Variants in NCAM2 observed in about 807,000 individuals in gnomAD.
NCAM2 encodes the protein neural cell adhesion molecule 2.
In NCAM2, 30 loss-of-function variants were observed where a neutral mutation model predicts 98.1. The ratio of observed to expected loss-of-function variants is 0.31; its 90% CI spans 0.23 to 0.41. NCAM2 has a LOEUF of 0.41. Among genes scored for constraint, NCAM2 ranks in the 10% least tolerant of loss-of-function variants. The pLI is 1.00. For missense variants in NCAM2, 867 were observed against 1,005.8 expected (o/e 0.86, Z 1.87); for synonymous variants, 368 against 342.4 (o/e 1.07, Z -0.83).
chr21:21,447,007 C>T (rs1394399123), intron 12 of NCAM2, among the ~76,000 whole-genome samples: 1 of 152,062 alleles, frequency 6.6e-6, no homozygotes, highest in Non-Finnish European at 1.5e-5. Flanking sequence ...ATGCTATTCC[C>T]ATCAAACTAC....
intron 5 of NCAM2, among the ~76,000 whole-genome samples, chr21:21,303,836 A>T (rs1311103866): frequency 6.6e-6 from 1 of 152,106 alleles, no homozygotes; most frequent in African/African-American, 2.4e-5. Flanking sequence ...TAGTGGTTTC[A>T]TGTTGTGGAT....
At chr21:21,096,550 C>T (rs1199413943) in intron 1 of NCAM2, among the ~76,000 whole-genome samples, 2 of 151,674 alleles carry the variant, frequency 1.3e-5, no homozygotes, top group Non-Finnish European at 3.0e-5. Flanking sequence ...GTTTTTTTCT[C>T]TGTAAAATTC....
intron 9 of NCAM2, among the ~76,000 whole-genome samples, chr21:21,387,191 C>G (rs1051314351): frequency 6.9e-4 from 41 of 59,170 alleles, no homozygotes; most frequent in African/African-American, 3.0e-3. Flanking sequence ...CACACATACA[C>G]ACACACACAC....
chr21:21,081,910 C>T (rs550595145), intron 1 of NCAM2, among the ~76,000 whole-genome samples: 28 of 152,038 alleles, frequency 1.8e-4, no homozygotes, highest in African/African-American at 6.5e-4. Context: ...AAGTGCTCTA[C>T]GCATTCAATA....
chr21:21,307,312 A>G (rs781284207), intron 5 of NCAM2, among the ~76,000 whole-genome samples: 1 of 152,080 alleles, frequency 6.6e-6, no homozygotes, highest in Non-Finnish European at 1.5e-5. Context: ...TCTTTTTTCA[A>G]ATGCTGTTGC....
At chr21:21,149,712 G>A (rs1444591317) in intron 1 of NCAM2, among the ~76,000 whole-genome samples, 1 of 152,048 alleles carries the variant, frequency 6.6e-6, no homozygotes, top group African/African-American at 2.4e-5. Context: ...ATGGCTTCCA[G>A]CTTCATCCAT....
intron 15 of NCAM2, 118 bp from the exon 16 acceptor site, chr21:21,508,733 T>C: frequency 1.2e-6 from 1 of 802,824 alleles, no homozygotes; most frequent in Non-Finnish European, 1.8e-6. Context: ...TCTCTTAAAT[T>C]GAATTATTGG....
At chr21:21,156,409 C>A (rs948313964) in intron 1 of NCAM2, among the ~76,000 whole-genome samples, 1 of 151,870 alleles carries the variant, frequency 6.6e-6, no homozygotes, top group Non-Finnish European at 1.5e-5. Flanking sequence ...TTTGCCCTAC[C>A]TATTTAGTCT....
chr21:21,265,294 T>C, intron 1 of NCAM2, among the ~76,000 whole-genome samples: 1 of 131,674 alleles, frequency 7.6e-6, no homozygotes, highest in East Asian at 2.3e-4. Flanking sequence ...TGTGTGTATA[T>C]ATACGTGTAT....
chr21:21,240,438 C>A (rs1397039680), intron 1 of NCAM2, among the ~76,000 whole-genome samples: 1 of 150,828 alleles, frequency 6.6e-6, no homozygotes, highest in Non-Finnish European at 1.5e-5. Flanking sequence ...AAGATGGATT[C>A]TTACATAAGA....
chr21:21,264,868 G>GATATATATA (rs2072079360), intron 1 of NCAM2, among the ~76,000 whole-genome samples: 2 of 136,046 alleles, frequency 1.5e-5, no homozygotes, highest in African/African-American at 5.3e-5. Flanking sequence ...ACGTGTGTGT[G>GATATATATA]TGTTCATAGT....
At chr21:21,177,937 A>C (rs2068347947) in intron 1 of NCAM2, among the ~76,000 whole-genome samples, 2 of 152,166 alleles carry the variant, frequency 1.3e-5, no homozygotes, top group South Asian at 4.1e-4. Flanking sequence ...TTTATAAAAT[A>C]AAAATAGAAT....
At chr21:21,111,028 T>C (rs1012232909) in intron 1 of NCAM2, among the ~76,000 whole-genome samples, 9 of 152,156 alleles carry the variant, frequency 5.9e-5, no homozygotes, top group Non-Finnish European at 1.2e-4. Flanking sequence ...ATATTTGTTG[T>C]GTACTATTTT....
At chr21:21,244,722 C>G (rs2071195686) in intron 1 of NCAM2, among the ~76,000 whole-genome samples, 1 of 151,136 alleles carries the variant, frequency 6.6e-6, no homozygotes, top group Non-Finnish European at 1.5e-5. Context: ...TGGCAGGTGC[C>G]TGTAATCCCA....
intron 1 of NCAM2, among the ~76,000 whole-genome samples, chr21:21,180,310 G>C (rs1319861344): frequency 6.6e-6 from 1 of 152,136 alleles, no homozygotes; most frequent in African/African-American, 2.4e-5. Flanking sequence ...ATTCTATTTA[G>C]ATATTTTACC....
chr21:21,480,459 C>T (rs573040906), intron 15 of NCAM2, among the ~76,000 whole-genome samples: 1 of 151,120 alleles, frequency 6.6e-6, no homozygotes, highest in Non-Finnish European at 1.5e-5. Flanking sequence ...AATGAACTTT[C>T]CAGGGAAAAT....
intron 8 of NCAM2, among the ~76,000 whole-genome samples, chr21:21,345,025 C>G (rs1051712007): frequency 1.1e-4 from 16 of 152,158 alleles, no homozygotes; most frequent in African/African-American, 3.9e-4. Context: ...CCAAGACTAT[C>G]AAGGCATTAC....
intron 1 of NCAM2, among the ~76,000 whole-genome samples, chr21:21,092,336 T>C (rs2066030185): frequency 1.3e-5 from 2 of 152,158 alleles, no homozygotes; most frequent in South Asian, 4.1e-4. Flanking sequence ...AATATTTTCA[T>C]TTGGGTGGAG....
In NCAM2 at chr21:21,459,640, A is replaced by C. The variant is rs1411213949; in HGVS notation, c.1655-6966A>C. Among the ~76,000 whole-genome samples, 6 of 151,062 alleles carry C rather than the reference A, an allele frequency of 4.0e-5. No individual in the cohort carries two copies. In the Admixed American group the frequency reaches 4.0e-4, roughly 10 times the overall value. Reference sequence around the variant, plus strand: ...CATATGTATATAGACATAAAAAAGAATTGCTGCATGATCTCACTTATATGT... The same window carrying C: ...CATATGTATATAGACATAAAAAAGACTTGCTGCATGATCTCACTTATATGT... On this transcript the variant is annotated intron_variant, in intron 12 of 17. Transcript: ENST00000400546.
Sources: allele counts gnomAD v4.1 joint callset (sites outside exome capture counted in the v4.1 genomes callset), GRCh38; gene constraint gnomAD v4.1.1; transcripts MANE v1.5; gene names NCBI Gene and HGNC (gene_info 2026-07-23, HGNC 2026-07-21).